Variants in DMXL2 observed in about 807,000 individuals in gnomAD.
DMXL2 encodes dmX-like protein 2.
A neutral mutation model predicts 331.1 loss-of-function variants in DMXL2; 103 were observed. The observed-to-expected ratio is 0.31, with a 90% CI of 0.27 to 0.37. The LOEUF (loss-of-function observed/expected upper bound fraction) is 0.37. DMXL2 is among the 10% of genes least tolerant of loss of function. The pLI is 1.00. For missense variants in DMXL2, 3,171 were observed against 3,642.9 expected (o/e 0.87, Z 3.33); for synonymous variants, 1,281 against 1,252.1 (o/e 1.02, Z -0.49).
chr15:51,601,074 A>G (rs1458019630), intron 1 of DMXL2, among the ~76,000 whole-genome samples: 9 of 151,964 alleles, frequency 5.9e-5, no homozygotes, highest in Admixed American at 5.9e-4. Flanking sequence ...GGCGGATCAC[A>G]AGGTCAGGAT....
chr15:51,538,128 G>A (rs1483274209), intron 10 of DMXL2, 85 bp downstream of exon 10: 17 of 1,458,738 alleles, frequency 1.2e-5, no homozygotes, highest in East Asian at 4.6e-5. Context: ...GAGGAAGAGC[G>A]GGAAGGAAGA....
intron 21 of DMXL2, 50 bp from the exon 22 acceptor site, chr15:51,488,169 C>A: frequency 1.4e-6 from 2 of 1,462,650 alleles, no homozygotes; most frequent in East Asian, 2.3e-5. Context: ...TTAAAATGTT[C>A]TACAGAATGT....
chr15:51,502,027 G>A (rs879552052), intron 17 of DMXL2, among the ~76,000 whole-genome samples: 9 of 151,054 alleles, frequency 6.0e-5, no homozygotes, highest in Non-Finnish European at 1.2e-4. Flanking sequence ...TCAGGAGATC[G>A]AGACCATCCT....
At chr15:51,476,228 C>T (rs751042650) in intron 27 of DMXL2, among the ~76,000 whole-genome samples, 1 of 151,984 alleles carries the variant, frequency 6.6e-6, no homozygotes. Flanking sequence ...TTTACACGCC[C>T]GAGAACAACT....
At chr15:51,450,444 A>G in intron 42 of DMXL2, 98 bp from the exon 43 acceptor site, 5 of 1,110,704 alleles carry the variant, frequency 4.5e-6, no homozygotes, top group Non-Finnish European at 6.7e-6. Context: ...TTACTGATGC[A>G]TTTTTCATTC....
At chr15:51,488,265 T>C (rs565988757) in intron 21 of DMXL2, 146 bp from the exon 22 acceptor site, 1 of 804,704 alleles carries the variant, frequency 1.2e-6, no homozygotes, top group East Asian at 2.9e-5. Flanking sequence ...CAAGCATCTC[T>C]TCACTTCTTC....
At chr15:51,561,435 T>G (rs2049964213) in intron 6 of DMXL2, among the ~76,000 whole-genome samples, 1 of 152,144 alleles carries the variant, frequency 6.6e-6, no homozygotes, top group East Asian at 1.9e-4. Context: ...TAGTGAGGCT[T>G]TGCTGCAGAC....
In DMXL2 at chr15:51,536,325, T is replaced by C. The variant is rs767008570; in HGVS notation, c.2155A>G (p.Asn719Asp). ...NAATRTFHDP[N>D]AIYSELILWR... is the part of the protein sequence containing the mutation. The stretch of plus-strand genomic sequence containing the variant: ...AGAATAAGTTCACTGTAGATTGCAT[T>C]TGGGTCATGAAATGTACGAGTTGCT... The change falls in exon 12 of 44, where the codon AAT (asparagine) becomes GAT (aspartate). Residue 719 changes from asparagine (N) to aspartate (D), a missense_variant. Asn to Asp is a conservative substitution (Grantham distance 23). This residue lies in a region of DMXL2 where 1,674 missense variants were observed against 1,780.2 expected (regional missense o/e 0.94). Coordinates refer to ENST00000560891, the MANE Select transcript of DMXL2 (RefSeq NM_001378457.1). 12 of 1,614,076 alleles carry C rather than the reference T, an allele frequency of 7.4e-6. No homozygotes were observed. In the South Asian group the frequency reaches 1.3e-4, roughly 18 times the overall value.
chr15:51,522,364 G>T (rs1190613809), intron 13 of DMXL2, among the ~76,000 whole-genome samples: 1 of 152,154 alleles, frequency 6.6e-6, no homozygotes, highest in Non-Finnish European at 1.5e-5. Flanking sequence ...CAAACTTAGG[G>T]GCTGGGCGCA....
Position 51,448,876 on chromosome 15 carries a change from C to A in DMXL2, c.*108G>T. ...CAGCTTGGGTCATATTCAAATTCTA[C>A]ACAGAGATTCTCTGTTTTCAATACA... is the stretch of plus-strand genomic sequence containing the variant. On this transcript the variant is annotated 3_prime_UTR_variant, in exon 44 of 44. Coordinates refer to ENST00000560891, the MANE Select transcript of DMXL2 (RefSeq NM_001378457.1). The A allele has an allele frequency of 8.8e-7, 1 of 1,131,048 alleles. No homozygotes were observed. Among genetic ancestry groups the A allele is most frequent in the South Asian group, 1.5e-5 (1 of 68,532 alleles). The allele number at this position is 1,131,048 out of a possible 1,614,324, so 70.1% of individuals were successfully genotyped here.
chr15:51,599,986 A>G (rs1213959433), intron 1 of DMXL2, among the ~76,000 whole-genome samples: 2 of 152,140 alleles, frequency 1.3e-5, no homozygotes, highest in Non-Finnish European at 2.9e-5. Flanking sequence ...GGTGTGACCC[A>G]TTGCACCCGG....
intron 23 of DMXL2, among the ~76,000 whole-genome samples, chr15:51,484,399 T>C (rs1017595540): frequency 1.3e-5 from 2 of 152,210 alleles, no homozygotes; most frequent in Admixed American, 6.5e-5. Flanking sequence ...CAAAGCTACA[T>C]GGCCATCACC....
chr15:51,514,654 A>G, intron 14 of DMXL2, 95 bp from the exon 15 acceptor site: 1 of 730,254 alleles, frequency 1.4e-6, no homozygotes, highest in South Asian at 1.6e-5. Flanking sequence ...TGCAGAAGAA[A>G]TATATCTAAC....
chr15:51,531,340 T>A (rs1404493956), intron 13 of DMXL2, among the ~76,000 whole-genome samples: 1 of 152,170 alleles, frequency 6.6e-6, no homozygotes, highest in Admixed American at 6.5e-5. Flanking sequence ...TGCAGAAGAA[T>A]AAAACCAGAC....
At position 51,481,533 on chromosome 15, in the gene DMXL2, G is replaced by C. The variant is rs1443823794; in HGVS notation, c.5573C>G (p.Pro1858Arg). Reference protein sequence around the residue: ...PLLIRRNLASPEGTLATLGLK... With the variant: ...PLLIRRNLASREGTLATLGLK... ...ACCTAAGGTTGCCAAAGTTCCTTCA[G>C]GGGAGGCAAGATTTCTTCGAATGAG... The change falls in exon 24 of 44, where the codon CCT becomes CGT. Residue 1858 changes from proline (P) to arginine (R), a missense_variant. By Grantham distance (103) the Pro-to-Arg change is moderately radical. Around this residue, in one of 7 missense-constraint regions of DMXL2, gnomAD observed 244 missense variants for 251.4 expected, o/e 0.97. Coordinates refer to ENST00000560891, the MANE Select transcript of DMXL2 (RefSeq NM_001378457.1). 3 of 1,612,182 alleles carry C rather than the reference G, an allele frequency of 1.9e-6. No individual in the cohort carries two copies. The African/African-American group carries it at 4.0e-5, about 22-fold the overall frequency.
At chr15:51,534,285 A>G (rs568148964) in intron 13 of DMXL2, among the ~76,000 whole-genome samples, 13 of 152,314 alleles carry the variant, frequency 8.5e-5, no homozygotes, top group African/African-American at 2.9e-4. Context: ...CAAATGTAAA[A>G]CAGATAAAGA....
intron 37 of DMXL2, 114 bp from the exon 38 acceptor site, chr15:51,456,483 T>TA: frequency 2.9e-6 from 2 of 681,072 alleles, no homozygotes; most frequent in Non-Finnish European, 4.9e-6. Flanking sequence ...ATTACTGAGA[T>TA]AAAGCCTGTT....
chr15:51,595,099 G>T (rs1332122326), intron 1 of DMXL2, among the ~76,000 whole-genome samples: 1 of 152,112 alleles, frequency 6.6e-6, no homozygotes, highest in Non-Finnish European at 1.5e-5. Context: ...GGAAATAAAG[G>T]GTATTCAATT....
intron 22 of DMXL2, 123 bp downstream of exon 22, chr15:51,487,831 A>G (rs775889122): frequency 3.8e-6 from 3 of 783,210 alleles, no homozygotes; most frequent in Admixed American, 3.1e-5. Context: ...TTTTAAGTAC[A>G]GCAACCTCTG....
Sources: gnomAD v4.1 joint callset for allele counts (sites outside exome capture counted in the v4.1 genomes callset) on GRCh38, gnomAD v4.1.1 for gene constraint, gnomAD v4.1.1 regional missense constraint, MANE v1.5 for transcripts, NCBI Gene and HGNC (gene_info 2026-07-23, HGNC 2026-07-21) for gene names.